The following PCDH9 variants were observed in gnomAD, a reference collection of about 807,000 sequenced individuals.
The protein encoded by PCDH9 is protocadherin-9.
PCDH9 carries 24 observed loss-of-function variants against 70.6 expected under a neutral mutation model. The ratio of observed to expected loss-of-function variants is 0.34; its 90% CI spans 0.25 to 0.48. The LOEUF is 0.48. PCDH9 is among the 20% of genes least tolerant of loss of function. The probability of loss-of-function intolerance (pLI) is 0.99; values close to 1 mark genes in which losing one functional copy is unlikely to be tolerated. For missense variants in PCDH9, 1,281 were observed against 1,503.6 expected, an observed-to-expected ratio of 0.85 and a Z score of 2.45; for synonymous variants, 562 against 558.5, an observed-to-expected ratio of 1.01 and a Z score of -0.09.
intron 4 of PCDH9, among the ~76,000 whole-genome samples, chr13:66,511,468 G>A (rs1456037632): frequency 6.6e-6 from 1 of 151,876 alleles, no homozygotes; most frequent in Non-Finnish European, 1.5e-5. Context: ...CACTTACATA[G>A]TCCCTGGAAT....
Position 67,226,036 on chromosome 13 carries a change from T to A in PCDH9, c.2405A>T (p.Asp802Val). ...METPLDRNIG[D>V]SSQPYQNEDY... ...CTCATTTTGATAGGGTTGGCTACTA[T>A]CCCCTATGTTCCTGTCCAACGGGGT... The change falls in exon 2 of 5, where the codon GAT becomes GTT. Residue 802 changes from aspartate to valine, a missense_variant. Physicochemically the swap from Asp to Val is radical, Grantham distance 152. Transcript: ENST00000377865. The surrounding 1 kb of genome is among the most constrained non-coding windows in gnomAD (Gnocchi z 5.0). 6.2e-7 allele frequency: 1 copy of A among 1,614,036 alleles called. No homozygotes were observed. The highest frequency in any genetic ancestry group is 1.3e-5 in the African/African-American group (1 of 75,020).
chr13:66,953,040 A>G (rs893492995), intron 2 of PCDH9, among the ~76,000 whole-genome samples: 3 of 151,866 alleles, frequency 2.0e-5, no homozygotes, highest in Admixed American at 2.0e-4. Flanking sequence ...ATTATTACCT[A>G]ATGTAATTAA....
intron 4 of PCDH9, among the ~76,000 whole-genome samples, chr13:66,403,682 A>G (rs939181943): frequency 2.6e-5 from 4 of 152,162 alleles, no homozygotes; most frequent in Non-Finnish European, 5.9e-5. Context: ...TACAAAGAAT[A>G]ATAGGATCAC....
At chr13:66,985,016 C>T (rs2083860910) in intron 2 of PCDH9, among the ~76,000 whole-genome samples, 1 of 152,010 alleles carries the variant, frequency 6.6e-6, no homozygotes, top group South Asian at 2.1e-4. Flanking sequence ...GTTATTTCTG[C>T]CTAATAAACT....
At chr13:66,956,157 T>C (rs528213000) in intron 2 of PCDH9, among the ~76,000 whole-genome samples, 1 of 152,236 alleles carries the variant, frequency 6.6e-6, no homozygotes, top group Admixed American at 6.5e-5. Flanking sequence ...CCCTATTACC[T>C]GTACCTACAA....
At chr13:66,437,016 G>C (rs1957879046) in intron 4 of PCDH9, among the ~76,000 whole-genome samples, 1 of 151,256 alleles carries the variant, frequency 6.6e-6, no homozygotes, top group Non-Finnish European at 1.5e-5. Context: ...TGATCAAGCA[G>C]ATCACAGTTC....
intron 4 of PCDH9, among the ~76,000 whole-genome samples, chr13:66,339,384 G>A (rs999483205): frequency 6.6e-6 from 1 of 151,922 alleles, no homozygotes; most frequent in African/African-American, 2.4e-5. Context: ...GTGTTGGGGG[G>A]GTGTGGGTGA....
At chr13:66,407,325 T>C (rs935759860) in intron 4 of PCDH9, among the ~76,000 whole-genome samples, 5 of 152,202 alleles carry the variant, frequency 3.3e-5, no homozygotes, top group African/African-American at 1.2e-4. Context: ...CTAATCTATG[T>C]TCACTCTTGC....
intron 2 of PCDH9, among the ~76,000 whole-genome samples, chr13:66,974,273 G>A (rs529975496): frequency 2.6e-5 from 4 of 151,994 alleles, no homozygotes; most frequent in Non-Finnish European, 4.4e-5. Flanking sequence ...AACTTTGGAA[G>A]CTCCTGAGGT....
intron 4 of PCDH9, among the ~76,000 whole-genome samples, chr13:66,605,890 C>A (rs931265862): frequency 6.6e-6 from 1 of 151,808 alleles, no homozygotes; most frequent in Non-Finnish European, 1.5e-5. Context: ...TAACACTGGC[C>A]GAGTTTACTT....
At chr13:66,738,507 G>A (rs1255548028) in intron 3 of PCDH9, among the ~76,000 whole-genome samples, 2 of 143,776 alleles carry the variant, frequency 1.4e-5, no homozygotes, top group Non-Finnish European at 3.0e-5. Flanking sequence ...ACTTTGACGA[G>A]CTGAGAGAAG....
intron 4 of PCDH9, among the ~76,000 whole-genome samples, chr13:66,461,575 C>A (rs1011135461): frequency 6.6e-6 from 1 of 150,448 alleles, no homozygotes; most frequent in Non-Finnish European, 1.5e-5. Context: ...TCATGCCTCA[C>A]GTAGATTGTG....
intron 2 of PCDH9, among the ~76,000 whole-genome samples, chr13:67,052,990 A>C (rs1382750621): frequency 5.3e-5 from 8 of 152,056 alleles, no homozygotes; most frequent in Non-Finnish European, 8.8e-5. Flanking sequence ...AAGTGAGTTA[A>C]TGGTCTAGAG....
intron 2 of PCDH9, chr13:67,210,809 C>G (rs1176992638): frequency 3.9e-5 from 6 of 151,918 alleles, no homozygotes; most frequent in Admixed American, 2.0e-4. Context: ...ATTTTAATAA[C>G]CACTACTGTT....
At chr13:66,441,946 T>A (rs1166543427) in intron 4 of PCDH9, among the ~76,000 whole-genome samples, 2 of 152,154 alleles carry the variant, frequency 1.3e-5, no homozygotes, top group East Asian at 1.9e-4. Context: ...CCAAGTTATG[T>A]ACGCAAATAA....
At chr13:66,450,170 C>A (rs1958175798) in intron 4 of PCDH9, among the ~76,000 whole-genome samples, 2 of 152,060 alleles carry the variant, frequency 1.3e-5, no homozygotes, top group African/African-American at 4.8e-5. Flanking sequence ...TATGATCTTT[C>A]AATATTGTAT....
At chr13:66,426,913 G>A (rs888165270) in intron 4 of PCDH9, among the ~76,000 whole-genome samples, 12 of 151,408 alleles carry the variant, frequency 7.9e-5, no homozygotes, top group Non-Finnish European at 1.2e-4. Flanking sequence ...TTTATATTAA[G>A]TATAATTACT....
intron 4 of PCDH9, among the ~76,000 whole-genome samples, chr13:66,551,183 T>A (rs1432963715): frequency 6.6e-6 from 1 of 152,140 alleles, no homozygotes; most frequent in African/African-American, 2.4e-5. Context: ...AGGTGATGTG[T>A]AACCTCCCTA....
At chr13:66,721,782 A>C (rs1035690286) in intron 3 of PCDH9, among the ~76,000 whole-genome samples, 6 of 152,124 alleles carry the variant, frequency 3.9e-5, no homozygotes, top group Admixed American at 2.0e-4. Flanking sequence ...TAAATGCTCC[A>C]ATAACTTTCT....
Sources: allele counts gnomAD v4.1 joint callset (sites outside exome capture counted in the v4.1 genomes callset), GRCh38; gene constraint gnomAD v4.1.1; non-coding constraint Gnocchi (gnomAD v3.1); transcripts MANE v1.5; gene names NCBI Gene and HGNC (gene_info 2026-07-23, HGNC 2026-07-21).